FAT4: variants seen among roughly 807,000 people sequenced by gnomAD.
The protein encoded by FAT4 is FAT atypical cadherin 4.
In FAT4, 84 loss-of-function variants were observed where a neutral mutation model predicts 303.9. The ratio of observed to expected loss-of-function variants is 0.28; its 90% CI spans 0.23 to 0.33. FAT4 has a LOEUF of 0.33. FAT4 is among the 10% of genes least tolerant of loss of function. FAT4 has a pLI of 1.00. For synonymous variants in FAT4, 2,307 were observed against 2,298.8 expected (o/e 1.00, Z -0.10); for missense variants, 6,005 against 6,146.8 (o/e 0.98, Z 0.77).
chr4:125,455,312 A>C (rs1726240118), intron 10 of FAT4, among the ~76,000 whole-genome samples: 1 of 152,198 alleles, frequency 6.6e-6, no homozygotes, highest in Non-Finnish European at 1.5e-5. Flanking sequence ...AATGATGAGT[A>C]AGTTACTTCT....
At position 125,449,715 on chromosome 4, in the gene FAT4, A is replaced by T; in HGVS notation, c.8705A>T (p.Asp2902Val). The T allele has an allele frequency of 6.2e-7, 1 of 1,613,960 alleles. No homozygotes were observed. Among genetic ancestry groups the T allele is most frequent in the African/African-American group, 1.3e-5 (1 of 75,048 alleles). Reference protein sequence around the residue: ...KVTQVFATDPDEGSNGQVFYF... With the variant: ...KVTQVFATDPVEGSNGQVFYF... ...ACTCAGGTATTTGCAACAGATCCTG[A>T]TGAGGGATCAAATGGACAAGTGTTT... Residue 2902 changes from aspartate (D) to valine (V), a missense_variant, in exon 10 of 18, where the codon GAT (aspartate) becomes GTT (valine). Physicochemically the swap from Asp to Val is radical, Grantham distance 152. Coordinates refer to ENST00000394329, the MANE Select transcript of FAT4 (RefSeq NM_001291303.3).
In FAT4 at chr4:125,452,629, C is replaced by T. The variant is rs141328606; in HGVS notation, c.11619C>T (p.Cys3873=). 2,218 of 1,614,122 alleles carry T rather than the reference C, an allele frequency of 1.4e-3. 3 individuals carry two copies. The highest frequency in any genetic ancestry group is 1.7e-3 in the Non-Finnish European group (2,002 of 1,180,024). The change falls in exon 10 of 18, where the codon TGC becomes TGT. Residue 3873 remains cysteine, a synonymous_variant. Transcript: ENST00000394329. ...IDIDECLPSP[C]HSGGTCHNLV... ...TAGATGAATGTCTTCCATCACCTTGCCACAGTGGTGGAACCTGTCACAATT... is the reference window on the plus strand; with the variant it reads ...TAGATGAATGTCTTCCATCACCTTGTCACAGTGGTGGAACCTGTCACAATT...
intron 7 of FAT4, among the ~76,000 whole-genome samples, chr4:125,426,574 C>A (rs1725095812): frequency 6.6e-6 from 1 of 151,916 alleles, no homozygotes; most frequent in Non-Finnish European, 1.5e-5. Context: ...ATTTAAATAG[C>A]ATTCTTTTAA....
At chr4:125,396,373 G>A (rs1396700) in intron 2 of FAT4, among the ~76,000 whole-genome samples, 150,911 of 152,284 alleles carry the variant, frequency 0.99, 74,786 homozygotes, top group East Asian at 1. Context: ...TTGGCTTGCT[G>A]AATTCATGGA....
chr4:125,447,253 T>C (rs2126055479), intron 9 of FAT4, among the ~76,000 whole-genome samples: 1 of 152,182 alleles, frequency 6.6e-6, no homozygotes, highest in Admixed American at 6.6e-5. Context: ...AAGAGGAAAA[T>C]ATAGAAATAT....
rs1473186531 is a variant in FAT4, at chr4:125,414,968, T to TCATAAAAGC, written c.6006_6007insATAAAAGCC (p.Val2002_Leu2003insIleLysAla). ...GTTGACAAGAATGGTGTACTCAAAG[T>TCATAAAAGC]CCTAAAAGCTTTGGATCGGGAAAGT... On this transcript the variant is annotated inframe_insertion, in exon 6 of 18. Transcript: ENST00000394329. 1 of 1,613,960 alleles carries TCATAAAAGC rather than the reference T, an allele frequency of 6.2e-7. No individual in the cohort carries two copies. The highest frequency in any genetic ancestry group is 1.7e-5 in the Admixed American group (1 of 60,000).
chr4:125,382,634 C>T (rs1478029106), intron 2 of FAT4, among the ~76,000 whole-genome samples: 1 of 152,160 alleles, frequency 6.6e-6, no homozygotes, highest in Non-Finnish European at 1.5e-5. Context: ...TCAGTGGCTT[C>T]AGCTTAAAGT....
intron 9 of FAT4, 53 bp from the exon 10 acceptor site, chr4:125,448,408 A>T: frequency 6.6e-7 from 1 of 1,505,096 alleles, no homozygotes; most frequent in East Asian, 2.3e-5. Context: ...TCTGCTACCA[A>T]ATATTTTATT....
At chr4:125,335,266 T>C (rs1379698780) in intron 2 of FAT4, among the ~76,000 whole-genome samples, 1 of 152,164 alleles carries the variant, frequency 6.6e-6, no homozygotes, top group African/African-American at 2.4e-5. Flanking sequence ...AGAAATTTTG[T>C]TGCTCAGCAA....
chr4:125,430,916 G>A (rs1323614256), intron 7 of FAT4, among the ~76,000 whole-genome samples: 1 of 152,102 alleles, frequency 6.6e-6, no homozygotes, highest in Admixed American at 6.5e-5. Context: ...AAATCATCTG[G>A]AAAAATAAGT....
At chr4:125,425,391 A>G (rs1317045415) in intron 7 of FAT4, among the ~76,000 whole-genome samples, 7 of 152,094 alleles carry the variant, frequency 4.6e-5, no homozygotes, top group Non-Finnish European at 1.0e-4. Flanking sequence ...CCTGTCTACC[A>G]TATTCTGTTT....
chr4:125,468,443 T>C, intron 11 of FAT4, 69 bp from the exon 12 acceptor site: 1 of 1,126,122 alleles, frequency 8.9e-7, no homozygotes, highest in Non-Finnish European at 1.2e-6. Context: ...TTCAAAAATA[T>C]TTTAATCAAA....
intron 2 of FAT4, among the ~76,000 whole-genome samples, chr4:125,388,823 A>G (rs1733866772): frequency 6.6e-6 from 1 of 152,192 alleles, no homozygotes; most frequent in Non-Finnish European, 1.5e-5. Context: ...ATTTTGTTTT[A>G]AGAATGGAGT....
At chr4:125,432,169 A>T (rs1314999191) in intron 7 of FAT4, among the ~76,000 whole-genome samples, 1 of 151,878 alleles carries the variant, frequency 6.6e-6, no homozygotes, top group Non-Finnish European at 1.5e-5. Context: ...GCTTGTCCAG[A>T]CCCCCAAAGC....
intron 2 of FAT4, among the ~76,000 whole-genome samples, chr4:125,378,288 G>A (rs927836824): frequency 3.9e-5 from 6 of 152,142 alleles, no homozygotes; most frequent in East Asian, 1.9e-4. Flanking sequence ...ACATGAAAGC[G>A]GAGTACGTGG....
In FAT4 at chr4:125,487,373, C is replaced by T. The variant is rs199682210; in HGVS notation, c.12851C>T (p.Ser4284Phe). The change falls in exon 17 of 18, where the codon TCC becomes TTC. Residue 4284 changes from serine (S) to phenylalanine (F), a missense_variant. Coordinates refer to ENST00000394329, the MANE Select transcript of FAT4 (RefSeq NM_001291303.3). ...AAGAATGGCAAAGTATATTTTACAT[C>T]CGATGCAGGAATTGCTGGGAAAGTG... ...KIKNGKVYFTSDAGIAGKVER... is the reference protein window; with the variant it reads ...KIKNGKVYFTFDAGIAGKVER... 307 of 1,613,238 alleles carry T rather than the reference C, an allele frequency of 1.9e-4. No individual in the cohort carries two copies. Among genetic ancestry groups the T allele is most frequent in the Non-Finnish European group, 2.4e-4 (288 of 1,179,468 alleles).
intron 3 of FAT4, among the ~76,000 whole-genome samples, chr4:125,404,277 C>A (rs1578603453): frequency 6.6e-6 from 1 of 151,970 alleles, no homozygotes; most frequent in Admixed American, 6.6e-5. Context: ...CACAATCTGC[C>A]TTCTCTGGCC....
chr4:125,387,172 T>C (rs1411747157), intron 2 of FAT4, among the ~76,000 whole-genome samples: 1 of 152,170 alleles, frequency 6.6e-6, no homozygotes, highest in Non-Finnish European at 1.5e-5. Context: ...TGCCCAGGGG[T>C]TGGAGACCCC....
intron 10 of FAT4, among the ~76,000 whole-genome samples, chr4:125,453,502 A>T (rs1395795528): frequency 2.0e-5 from 3 of 152,064 alleles, no homozygotes; most frequent in African/African-American, 7.2e-5. Flanking sequence ...AGGCTGAGAG[A>T]TCGAGACCAT....
Sources: allele counts gnomAD v4.1 joint callset (sites outside exome capture counted in the v4.1 genomes callset), GRCh38; gene constraint gnomAD v4.1.1; transcripts MANE v1.5; gene names NCBI Gene and HGNC (gene_info 2026-07-23, HGNC 2026-07-21).